Variants in ABCB1 observed in about 807,000 individuals in gnomAD.
ABCB1 encodes ATP-dependent translocase ABCB1.
ABCB1 carries 69 observed loss-of-function variants against 142.0 expected under a neutral mutation model. The ratio of observed to expected loss-of-function variants is 0.49; its 90% CI spans 0.40 to 0.59. The LOEUF is 0.59. Ranked by LOEUF, ABCB1 falls within the 20% of genes least tolerant of loss-of-function variation. ABCB1 has a pLI of 0.00. For synonymous variants in ABCB1, 532 were observed against 539.2 expected (o/e 0.99, Z 0.18); for missense variants, 1,326 against 1,554.7 (o/e 0.85, Z 2.47).
chr7:87,546,023 G>A lies in ABCB1; in HGVS notation c.1727C>T (p.Ala576Val). ...CACAATGGTGGTCCGACCTTTTCTG[G>A]CCTAAAGAGAGAGAAATTTGGTTTT... ...EAVVQVALDK[A>V]RKGRTTIVIA... is the part of the protein sequence containing the mutation. The change falls in exon 15 of 28, where the codon GCC (alanine) becomes GTC (valine). Residue 576 changes from alanine to valine, a missense_variant and splice_region_variant. Coordinates refer to ENST00000622132, the MANE Select transcript of ABCB1 (RefSeq NM_001348946.2). 1 of 1,614,008 alleles carries A rather than the reference G, an allele frequency of 6.2e-7. No individual in the cohort carries two copies. The highest frequency in any genetic ancestry group is 2.2e-5 in the East Asian group (1 of 44,870).
intron 4 of ABCB1, among the ~76,000 whole-genome samples, chr7:87,575,897 A>G (rs1818253449): frequency 6.6e-6 from 1 of 152,216 alleles, no homozygotes; most frequent in Non-Finnish European, 1.5e-5. Flanking sequence ...GCAGAGTGTG[A>G]AAACCACTAG....
At chr7:87,677,890 G>A (rs1169426658) in intron 1 of ABCB1, among the ~76,000 whole-genome samples, 2 of 152,170 alleles carry the variant, frequency 1.3e-5, no homozygotes, top group Non-Finnish European at 1.5e-5. Context: ...CAGTGAAATA[G>A]CATCTTTAGA....
At chr7:87,549,206 C>T (rs1279139913) in intron 14 of ABCB1, 142 bp downstream of exon 14, 9 of 868,690 alleles carry the variant, frequency 1.0e-5, no homozygotes, top group African/African-American at 1.7e-5. Flanking sequence ...TCAAAGAGGC[C>T]CAATGCTTTT....
chr7:87,590,260 T>A (rs373328162), intron 3 of ABCB1, among the ~76,000 whole-genome samples: 3 of 152,332 alleles, frequency 2.0e-5, no homozygotes, highest in Admixed American at 6.5e-5. Flanking sequence ...AATAGATGTA[T>A]TCAACATTCA....
At chr7:87,694,702 T>A (rs1274429046) in intron 1 of ABCB1, among the ~76,000 whole-genome samples, 1 of 151,808 alleles carries the variant, frequency 6.6e-6, no homozygotes, top group South Asian at 2.1e-4. Flanking sequence ...TCAGCCGTCA[T>A]GTACGATTTC....
intron 1 of ABCB1, among the ~76,000 whole-genome samples, chr7:87,614,702 C>T (rs1299664384): frequency 6.6e-6 from 1 of 152,166 alleles, no homozygotes; most frequent in Non-Finnish European, 1.5e-5. Context: ...TTGGCTTTGG[C>T]TTTTATTCTT....
At chr7:87,516,730 C>CA in intron 23 of ABCB1, 65 bp from the exon 24 acceptor site, 4 of 1,087,492 alleles carry the variant, frequency 3.7e-6, no homozygotes, top group Non-Finnish European at 4.9e-6. Context: ...AGCTGACACT[C>CA]CTTTTTTTTT....
At chr7:87,595,872 C>T (rs1819184738) in intron 2 of ABCB1, 58 bp from the exon 3 acceptor site, 1 of 1,315,224 alleles carries the variant, frequency 7.6e-7, no homozygotes, top group Non-Finnish European at 1.1e-6. Context: ...TTTTAAATTA[C>T]CCAAATTAAC....
chr7:87,624,918 A>G (rs908346470), intron 1 of ABCB1, among the ~76,000 whole-genome samples: 1 of 152,222 alleles, frequency 6.6e-6, no homozygotes, highest in Non-Finnish European at 1.5e-5. Context: ...CTTGGTAAGC[A>G]AGTACTAACA....
In ABCB1 at chr7:87,521,885, G is replaced by A. The variant is rs1815525574; in HGVS notation, c.2686-1009C>T. ...ATTGAAATCATGACTGACCAAGGCA[G>A]TGATAAGAAAAGGGGCTTTGCTTTA... On this transcript the variant is annotated intron_variant, in intron 21 of 27. Coordinates refer to ENST00000622132, the MANE Select transcript of ABCB1 (RefSeq NM_001348946.2). 47 of 773,414 alleles carry A rather than the reference G, an allele frequency of 6.1e-5. 1 individual carries two copies. In the South Asian group the frequency reaches 6.3e-4, roughly 10 times the overall value. 47.9% of individuals were successfully genotyped at this position (773,414 alleles called of 1,614,324 possible).
At chr7:87,692,753 C>G (rs1387204425) in intron 1 of ABCB1, among the ~76,000 whole-genome samples, 1 of 152,126 alleles carries the variant, frequency 6.6e-6, no homozygotes, top group Admixed American at 6.6e-5. Flanking sequence ...GAAAAGCATT[C>G]TATTCTGATT....
At chr7:87,606,893 A>G (rs1218731467) in intron 1 of ABCB1, among the ~76,000 whole-genome samples, 1 of 152,146 alleles carries the variant, frequency 6.6e-6, no homozygotes, top group Admixed American at 6.5e-5. Context: ...ATTAGTATCT[A>G]TCTCTCAGTG....
chr7:87,514,103 G>A (rs1815130482), intron 25 of ABCB1, among the ~76,000 whole-genome samples: 1 of 152,186 alleles, frequency 6.6e-6, no homozygotes, highest in Admixed American at 6.5e-5. Flanking sequence ...ACATTTATGA[G>A]TAAGAGTGAC....
At chr7:87,621,468 C>T (rs956527879) in intron 1 of ABCB1, among the ~76,000 whole-genome samples, 1 of 152,028 alleles carries the variant, frequency 6.6e-6, no homozygotes, top group African/African-American at 2.4e-5. Flanking sequence ...GGCTCTTTCA[C>T]CAATTGACTC....
intron 1 of ABCB1, among the ~76,000 whole-genome samples, chr7:87,688,409 A>T (rs1191503760): frequency 6.6e-6 from 1 of 151,876 alleles, no homozygotes; most frequent in Admixed American, 6.6e-5. Flanking sequence ...ATCTTATGTT[A>T]ATTTATACGT....
chr7:87,577,480 C>T (rs534239620), intron 4 of ABCB1, among the ~76,000 whole-genome samples: 2 of 152,214 alleles, frequency 1.3e-5, no homozygotes, highest in African/African-American at 2.4e-5. Context: ...TTTGAGGAAC[C>T]CCCATACTGT....
chr7:87,690,100 G>C (rs932064646), intron 1 of ABCB1, among the ~76,000 whole-genome samples: 1 of 151,980 alleles, frequency 6.6e-6, no homozygotes, highest in African/African-American at 2.4e-5. Flanking sequence ...AAAGGGCCGG[G>C]AATACAGGTG....
At position 87,519,430 on chromosome 7, in the gene ABCB1, T is replaced by C; in HGVS notation, c.2823A>G (p.Thr941=). The C allele has an allele frequency of 1.2e-6, 2 of 1,614,034 alleles. No homozygotes were observed. The highest frequency in any genetic ancestry group is 1.7e-6 in the Non-Finnish European group (2 of 1,179,956). Residue 941 remains threonine, a synonymous_variant, in exon 23 of 28, where the codon ACA becomes ACG. Transcript: ENST00000622132. The part of the protein sequence containing the change: ...SLRKAHIFGI[T]FSFTQAMMYF... ...ACATCATTGCCTGGGTGAAGGAAAA[T>C]GTAATTCCAAAGATGTGTGCTTTCC...
At chr7:87,621,071 T>A (rs1261527030) in intron 1 of ABCB1, among the ~76,000 whole-genome samples, 1 of 152,168 alleles carries the variant, frequency 6.6e-6, no homozygotes, top group Non-Finnish European at 1.5e-5. Context: ...ATTGGGAAGA[T>A]GTTAATTTTA....
Sources: gnomAD v4.1 joint callset for allele counts (sites outside exome capture counted in the v4.1 genomes callset) on GRCh38, gnomAD v4.1.1 for gene constraint, MANE v1.5 for transcripts, NCBI Gene and HGNC (gene_info 2026-07-23, HGNC 2026-07-21) for gene names.